Variants in PAXBP1 observed in about 807,000 individuals in gnomAD.
The protein encoded by PAXBP1 is PAX3 and PAX7 binding protein 1, also known as PAX3- and PAX7-binding protein 1.
In PAXBP1, 44 loss-of-function variants were observed where a neutral mutation model predicts 119.9. The ratio of observed to expected loss-of-function variants is 0.37; its 90% confidence interval spans 0.29 to 0.47. PAXBP1 has a LOEUF of 0.47. Ranked by LOEUF, PAXBP1 falls within the 20% of genes least tolerant of loss-of-function variation. The probability of loss-of-function intolerance (pLI) is 0.99; values close to 1 mark genes in which losing one functional copy is unlikely to be tolerated. For missense variants in PAXBP1, 898 were observed against 1,134.1 expected (o/e 0.79, Z 2.99); for synonymous variants, 393 against 406.6 (o/e 0.97, Z 0.40).
chr21:32,770,419 C>A (rs771847761), intron 1 of PAXBP1, among the ~76,000 whole-genome samples: 4 of 151,952 alleles, frequency 2.6e-5, no homozygotes, highest in African/African-American at 4.8e-5. Flanking sequence ...GTACTAAATA[C>A]TTAAAAAAAA....
chr21:32,759,418 T>TC, intron 6 of PAXBP1, 149 bp from the exon 7 acceptor site: 1 of 873,202 alleles, frequency 1.1e-6, no homozygotes, highest in Non-Finnish European at 1.7e-6. Flanking sequence ...CTGCTTTTTT[T>TC]CTCAAAAAAC....
At chr21:32,767,733 A>C (rs902638261) in intron 2 of PAXBP1, among the ~76,000 whole-genome samples, 2 of 152,126 alleles carry the variant, frequency 1.3e-5, no homozygotes. Flanking sequence ...ACCTCCTGCC[A>C]TGATTCTGAG....
Position 32,748,616 on chromosome 21 carries a change from A to G in PAXBP1, c.1806T>C (p.Phe602=). ...FYSIDCIKSQ[F]EAWRSKYYTS... ...TGTAGTATTTTGAACGCCATGCTTC[A>G]AACTGTGATTTAATACAGTCAATTG... The change falls in exon 11 of 18, where the codon TTT becomes TTC. Residue 602 remains phenylalanine, a synonymous_variant. Coordinates refer to ENST00000331923, the MANE Select transcript of PAXBP1 (RefSeq NM_016631.4). 2 of 1,614,074 alleles carry G rather than the reference A, an allele frequency of 1.2e-6. No individual in the cohort carries two copies. The highest frequency in any genetic ancestry group is 1.1e-5 in the South Asian group (1 of 91,070).
intron 5 of PAXBP1, 104 bp from the exon 6 acceptor site, chr21:32,760,098 G>C: frequency 2.4e-6 from 2 of 833,254 alleles, no homozygotes; most frequent in South Asian, 3.7e-5. Flanking sequence ...ATACCTATTT[G>C]CCAAATATTA....
At chr21:32,740,781 G>A (rs1446401136) in intron 15 of PAXBP1, among the ~76,000 whole-genome samples, 4 of 151,568 alleles carry the variant, frequency 2.6e-5, no homozygotes, top group African/African-American at 9.7e-5. Flanking sequence ...TCTGCATATG[G>A]AAGACTATTA....
At chr21:32,738,105 C>G (rs1220831062) in intron 16 of PAXBP1, 68 bp downstream of exon 16, 8 of 1,427,676 alleles carry the variant, frequency 5.6e-6, no homozygotes, top group Non-Finnish European at 5.6e-6. Flanking sequence ...AATCCCTCTT[C>G]AAACAAACAA....
At chr21:32,771,280 C>A in intron 1 of PAXBP1, 46 bp downstream of exon 1, 1 of 1,501,084 alleles carries the variant, frequency 6.7e-7, no homozygotes, top group Non-Finnish European at 8.9e-7. Flanking sequence ...CGGGGGCCTG[C>A]GTCGGGGATG....
At chr21:32,739,767 G>A (rs143206444) in intron 15 of PAXBP1, among the ~76,000 whole-genome samples, 1,751 of 151,268 alleles carry the variant, frequency 0.012, 33 homozygotes, top group African/African-American at 0.038. Context: ...GTAGCCGGGC[G>A]TGGTGGTGGG....
intron 1 of PAXBP1, among the ~76,000 whole-genome samples, chr21:32,770,757 G>A (rs915036394): frequency 1.3e-5 from 2 of 152,178 alleles, no homozygotes; most frequent in Non-Finnish European, 2.9e-5. Context: ...TCAGTGCGAA[G>A]AAGGCTGGGT....
At chr21:32,738,679 G>A (rs1160943631) in intron 15 of PAXBP1, among the ~76,000 whole-genome samples, 6 of 151,682 alleles carry the variant, frequency 4.0e-5, no homozygotes, top group South Asian at 2.1e-4. Flanking sequence ...ACCCCGCCCC[G>A]CGCTGCCCAC....
At chr21:32,768,806 C>A (rs1200374838) in intron 2 of PAXBP1, among the ~76,000 whole-genome samples, 1 of 152,232 alleles carries the variant, frequency 6.6e-6, no homozygotes, top group Non-Finnish European at 1.5e-5. Flanking sequence ...CATGAAACTT[C>A]TAACTACTTC....
chr21:32,751,195 G>A lies in PAXBP1; in HGVS notation c.1531C>T (p.Leu511Phe). ...HSNKALMAPNLDSFGRDRALY... is the reference protein window; with the variant it reads ...HSNKALMAPNFDSFGRDRALY... ...GCCCGATCGCGTCCAAAGGAGTCAA[G>A]ATTTGGTGCCATCAGAGCTTTGTCT... is the stretch of plus-strand genomic sequence containing the variant. Residue 511 changes from leucine to phenylalanine, a missense_variant, in exon 9 of 18, where the codon CTT becomes TTT. This residue lies in a region of PAXBP1 where 599 missense variants were observed against 852.7 expected (regional missense o/e 0.70). Transcript: ENST00000331923. 6.2e-7 allele frequency: 1 copy of A among 1,614,114 alleles called. No individual in the cohort carries two copies. The highest frequency in any genetic ancestry group is 8.5e-7 in the Non-Finnish European group (1 of 1,179,986).
chr21:32,745,987 G>A (rs756738100), intron 11 of PAXBP1, among the ~76,000 whole-genome samples: 18 of 152,114 alleles, frequency 1.2e-4, no homozygotes, highest in Non-Finnish European at 1.5e-4. Flanking sequence ...TCTGATCTCC[G>A]ACAAACCTGA....
In PAXBP1 at chr21:32,748,481, G is replaced by A. The variant is rs1198169577; in HGVS notation, c.1923+18C>T. ...TATCAAATTATAACACTTTCTAATA[G>A]TGACAGAAGCCACTCACCTCAAGAG... is the stretch of plus-strand genomic sequence containing the variant. On this transcript the variant is annotated intron_variant, in intron 11 of 17. Transcript: ENST00000331923. 6.3e-7 allele frequency: 1 copy of A among 1,592,748 alleles called. No homozygotes were observed. Among genetic ancestry groups the A allele is most frequent in the Non-Finnish European group, 8.5e-7 (1 of 1,169,920 alleles).
rs760410976 is a variant in PAXBP1 at position 32,759,896 on chromosome 21, C to T, written c.1074G>A (p.Thr358=). 3.3e-5 allele frequency: 53 copies of T among 1,613,324 alleles called. No individual in the cohort carries two copies. Among genetic ancestry groups the T allele is most frequent in the Admixed American group, 2.8e-4 (17 of 59,970 alleles). Residue 358 remains threonine, a synonymous_variant, in exon 6 of 18, where the codon ACG becomes ACA. Transcript: ENST00000331923. ...GSSYGIPYSY[T]AYGSSDAKSQ... ...ATTTGGCATCTGATGATCCATAGGC[C>T]GTATAACTATAAGGAATGCCATAGG...
chr21:32,751,938 T>A (rs78511491), intron 8 of PAXBP1: 1 of 152,282 alleles, frequency 6.6e-6, no homozygotes, highest in Non-Finnish European at 1.5e-5. Flanking sequence ...TTTCAAGAGA[T>A]AGTTCTTGTT....
Position 32,749,442 on chromosome 21 carries a change from C to A in PAXBP1, c.1724-744G>T, listed in dbSNP as rs371894235. ...ATTCCTGACTTCAAGTGGTCCGCTG[C>A]CTCGGCCTCCCAAAGTGCTGGGATT... On this transcript the variant is annotated intron_variant, in intron 10 of 17. Coordinates refer to ENST00000331923, the MANE Select transcript of PAXBP1 (RefSeq NM_016631.4). Among the ~76,000 whole-genome samples, 37 of 152,216 alleles carry A rather than the reference C, an allele frequency of 2.4e-4. No homozygotes were observed. The South Asian group carries it at 7.7e-3, about 32-fold the overall frequency.
At chr21:32,753,436 A>C (rs1005112596) in intron 8 of PAXBP1, among the ~76,000 whole-genome samples, 4 of 151,774 alleles carry the variant, frequency 2.6e-5, no homozygotes, top group Admixed American at 2.0e-4. Context: ...AAAAAAAAAA[A>C]AAAAAAAAAA....
In PAXBP1 at chr21:32,743,762, G is replaced by T. The variant is rs2043825347; in HGVS notation, c.2191-8C>A. ...AAGTGCCTTTAGGTATACCTAAAAAGTTAAAAGTAGATCACACATTTTAAT... is the reference window on the plus strand; with the variant it reads ...AAGTGCCTTTAGGTATACCTAAAAATTTAAAAGTAGATCACACATTTTAAT... On this transcript the variant is annotated splice_polypyrimidine_tract_variant and splice_region_variant and intron_variant, in intron 13 of 17. Coordinates refer to ENST00000331923, the MANE Select transcript of PAXBP1 (RefSeq NM_016631.4). 1.4e-6 allele frequency: 2 copies of T among 1,460,110 alleles called. No individual in the cohort carries two copies. The highest frequency in any genetic ancestry group is 4.6e-5 in the East Asian group (2 of 43,918). 90.4% of individuals were successfully genotyped at this position (1,460,110 alleles called of 1,614,324 possible). A position where few individuals can be genotyped will look rare whatever the true frequency, so the allele number is the denominator to read the frequency against.
Sources: gnomAD v4.1 joint callset for allele counts (sites outside exome capture counted in the v4.1 genomes callset) on GRCh38, gnomAD v4.1.1 for gene constraint, gnomAD v4.1.1 regional missense constraint, MANE v1.5 for transcripts, NCBI Gene and HGNC (gene_info 2026-07-23, HGNC 2026-07-21) for gene names.